SERINC5: variants seen among roughly 807,000 people sequenced by gnomAD.
The protein encoded by SERINC5 is serine incorporator 5.
A neutral mutation model predicts 63.1 loss-of-function variants in SERINC5; 41 were observed. The observed-to-expected ratio is 0.65, with a 90% CI of 0.51 to 0.84. The LOEUF is 0.84. Among genes scored for constraint, SERINC5 ranks in the 40% least tolerant of loss-of-function variants. The pLI, the probability that SERINC5 is intolerant of heterozygous loss-of-function variation, is 0.00. For missense variants in SERINC5, 523 were observed against 573.0 expected (o/e 0.91, Z 0.89); for synonymous variants, 222 against 215.2 (o/e 1.03, Z -0.28).
chr5:80,151,012 G>T, intron 8 of SERINC5, 64 bp from the exon 9 acceptor site: 1 of 1,251,104 alleles, frequency 8.0e-7, no homozygotes, highest in Non-Finnish European at 1.2e-6. Context: ...GAATGAAGGG[G>T]AAAGCCGGCT....
intron 5 of SERINC5, among the ~76,000 whole-genome samples, chr5:80,170,033 A>G (rs1429369994): frequency 6.6e-6 from 1 of 152,112 alleles, no homozygotes; most frequent in East Asian, 1.9e-4. Context: ...GCAGGTGGTG[A>G]GGCAAACGTG....
At chr5:80,254,754 A>T (rs1371632698) in intron 1 of SERINC5, among the ~76,000 whole-genome samples, 1 of 152,164 alleles carries the variant, frequency 6.6e-6, no homozygotes, top group Non-Finnish European at 1.5e-5. Flanking sequence ...CAAAAGCCTC[A>T]ATTTCCTCAA....
At chr5:80,216,870 G>T (rs2112528467) in intron 1 of SERINC5, among the ~76,000 whole-genome samples, 1 of 152,088 alleles carries the variant, frequency 6.6e-6, no homozygotes, top group Middle Eastern at 3.4e-3. Flanking sequence ...AATTAGCCAG[G>T]CATGGTGACA....
At chr5:80,246,157 T>C (rs1430646266) in intron 1 of SERINC5, among the ~76,000 whole-genome samples, 1 of 152,034 alleles carries the variant, frequency 6.6e-6, no homozygotes, top group East Asian at 1.9e-4. Context: ...AGGAGATCAA[T>C]GAGCATGGAA....
At chr5:80,243,084 T>C (rs1752018547) in intron 1 of SERINC5, among the ~76,000 whole-genome samples, 1 of 152,224 alleles carries the variant, frequency 6.6e-6, no homozygotes, top group African/African-American at 2.4e-5. Flanking sequence ...GTGGGCTTTT[T>C]GTGTGCTGAG....
intron 1 of SERINC5, among the ~76,000 whole-genome samples, chr5:80,236,691 A>G (rs1056637401): frequency 2.0e-5 from 3 of 151,904 alleles, no homozygotes; most frequent in African/African-American, 7.3e-5. Context: ...ACGCCCAGCT[A>G]ATTTTTGTAT....
chr5:80,170,144 C>T (rs1747555912), intron 5 of SERINC5, among the ~76,000 whole-genome samples: 1 of 152,192 alleles, frequency 6.6e-6, no homozygotes, highest in African/African-American at 2.4e-5. Flanking sequence ...ATTATGTAGT[C>T]TCAGGGTAAG....
chr5:80,255,809 A>G, intron 1 of SERINC5, 87 bp downstream of exon 1: 2 of 1,378,076 alleles, frequency 1.5e-6, no homozygotes, highest in Admixed American at 2.0e-5. Flanking sequence ...CGGAGCTGGG[A>G]GCGCACCCAG....
At chr5:80,203,194 C>T (rs1312597520) in intron 1 of SERINC5, 141 bp from the exon 2 acceptor site, 14 of 773,114 alleles carry the variant, frequency 1.8e-5, no homozygotes, top group South Asian at 1.7e-4. Context: ...TCGCTTGAGA[C>T]CAGAGTTCAA....
At chr5:80,231,568 C>G (rs1751439522) in intron 1 of SERINC5, among the ~76,000 whole-genome samples, 1 of 151,974 alleles carries the variant, frequency 6.6e-6, no homozygotes, top group Non-Finnish European at 1.5e-5. Flanking sequence ...TCATGACCAC[C>G]AGCCCCAGTA....
At chr5:80,121,737 G>A (rs1178056968) in intron 11 of SERINC5, among the ~76,000 whole-genome samples, 1 of 152,114 alleles carries the variant, frequency 6.6e-6, no homozygotes, top group South Asian at 2.1e-4. Flanking sequence ...TTCTGGTGAG[G>A]ACTCAAGAAA....
At chr5:80,204,221 G>A (rs1750037556) in intron 1 of SERINC5, among the ~76,000 whole-genome samples, 1 of 152,160 alleles carries the variant, frequency 6.6e-6, no homozygotes, top group Admixed American at 6.5e-5. Flanking sequence ...ACCTAAAGAG[G>A]GGATGCTGGG....
In SERINC5 at chr5:80,142,660, G is replaced by A. The variant is rs1561362098; in HGVS notation, c.*1003C>T. On this transcript the variant is annotated 3_prime_UTR_variant, in exon 12 of 12. Coordinates refer to ENST00000507668, the MANE Select transcript of SERINC5 (RefSeq NM_001174072.3). The stretch of plus-strand genomic sequence containing the variant: ...ACGTTACAGATCCAGAACACAAAAC[G>A]ACTTCCGCTTTTACAGTTTCAAAGG... 1.7e-5 allele frequency: 17 copies of A among 985,354 alleles called. No individual in the cohort carries two copies. The South Asian group carries it at 3.8e-4, about 22-fold the overall frequency. 61.0% of individuals were successfully genotyped at this position (985,354 alleles called of 1,614,324 possible). A position where few individuals can be genotyped will look rare whatever the true frequency, so the allele number is the denominator to read the frequency against.
At position 80,185,376 on chromosome 5, in the gene SERINC5, C is replaced by T. The variant is rs1037943019; in HGVS notation, c.196-7312G>A. Among the ~76,000 whole-genome samples, 9 of 152,248 alleles carry T rather than the reference C, an allele frequency of 5.9e-5. No homozygotes were observed. The East Asian group carries it at 9.7e-4, about 16-fold the overall frequency. On this transcript the variant is annotated intron_variant, in intron 2 of 11. Coordinates refer to ENST00000507668, the MANE Select transcript of SERINC5 (RefSeq NM_001174072.3). Reference sequence around the variant, plus strand: ...TGCCATCTGTAAAATGAAACAATACCGACACCCATTTCATGGAGTTGCCTG... The same window carrying T: ...TGCCATCTGTAAAATGAAACAATACTGACACCCATTTCATGGAGTTGCCTG...
At chr5:80,245,965 T>TAAAAAAA (rs57108110) in intron 1 of SERINC5, among the ~76,000 whole-genome samples, 1 of 115,986 alleles carries the variant, frequency 8.6e-6, no homozygotes. Context: ...GTCAGCTCTT[T>TAAAAAAA]AAAAAAAAAA....
intron 2 of SERINC5, among the ~76,000 whole-genome samples, chr5:80,201,898 T>A (rs191681233): frequency 6.6e-6 from 1 of 152,236 alleles, no homozygotes; most frequent in Non-Finnish European, 1.5e-5. Flanking sequence ...AGCTTTATTA[T>A]ACTTCCTATG....
At chr5:80,153,736 T>G (rs764497162) in intron 8 of SERINC5, among the ~76,000 whole-genome samples, 2 of 151,806 alleles carry the variant, frequency 1.3e-5, no homozygotes, top group African/African-American at 4.8e-5. Context: ...GCGTGTTTAC[T>G]GTCTCTGCCT....
At chr5:80,135,206 G>GT (rs1410293348), downstream of SERINC5, among the ~76,000 whole-genome samples, 1 of 152,188 alleles carries the variant, frequency 6.6e-6, no homozygotes, top group Non-Finnish European at 1.5e-5. Flanking sequence ...CCTAATTTTT[G>GT]TATTTTTTGT....
chr5:80,191,919 G>A (rs762680284), intron 2 of SERINC5, among the ~76,000 whole-genome samples: 5 of 152,118 alleles, frequency 3.3e-5, no homozygotes, highest in Non-Finnish European at 7.4e-5. Context: ...GAGAGAGATG[G>A]GAGAATAACT....
Sources: gnomAD v4.1 joint callset for allele counts (sites outside exome capture counted in the v4.1 genomes callset) on GRCh38, gnomAD v4.1.1 for gene constraint, MANE v1.5 for transcripts, NCBI Gene and HGNC (gene_info 2026-07-23, HGNC 2026-07-21) for gene names.